Variants in ABCC3 observed in about 807,000 individuals in gnomAD.
The protein encoded by ABCC3 is ATP-binding cassette sub-family C member 3.
ABCC3 carries 121 observed loss-of-function variants against 165.3 expected under a neutral mutation model. The observed-to-expected ratio is 0.73, with a 90% confidence interval of 0.63 to 0.85. The LOEUF is 0.85. ABCC3 is among the 40% of genes least tolerant of loss of function. The pLI is 0.00. For synonymous variants in ABCC3, 733 were observed against 810.1 expected, an observed-to-expected ratio of 0.90 and a Z score of 1.62; for missense variants, 1,869 against 1,964.1, an observed-to-expected ratio of 0.95 and a Z score of 0.92.
chr17:50,684,729 G>T lies in ABCC3; in HGVS notation c.4134G>T (p.Gly1378=). The change falls in exon 29 of 31, where the codon GGG becomes GGT. Residue 1378 remains glycine, a synonymous_variant. Coordinates refer to ENST00000285238, the MANE Select transcript of ABCC3 (RefSeq NM_003786.4). ...CCCAGGACCCCATCCTGTTCTCGGG[G>T]ACCCTGCGCATGAACCTGGACCCCT... is the stretch of plus-strand genomic sequence containing the variant. ...IIPQDPILFS[G]TLRMNLDPFG... is the part of the protein sequence containing the mutation. 1.2e-6 allele frequency: 2 copies of T among 1,614,066 alleles called. No individual in the cohort carries two copies. The highest frequency in any genetic ancestry group is 1.7e-6 in the Non-Finnish European group (2 of 1,180,014).
chr17:50,677,813 C>A lies in ABCC3; in HGVS notation c.3448C>A (p.His1150Asn). 6.2e-7 allele frequency: 1 copy of A among 1,614,160 alleles called. No individual in the cohort carries two copies. Among genetic ancestry groups the A allele is most frequent in the South Asian group, 1.1e-5 (1 of 91,080 alleles). The stretch of plus-strand genomic sequence containing the variant: ...AGTCAGCCGCTCACCTATCTACTCC[C>A]ACTTTTCGGAGACAGTGACTGGTGC... ...ESVSRSPIYS[H>N]FSETVTGASV... The change falls in exon 24 of 31, where the codon CAC becomes AAC. Residue 1150 changes from histidine (H) to asparagine (N), a missense_variant. Coordinates refer to ENST00000285238, the MANE Select transcript of ABCC3 (RefSeq NM_003786.4).
intron 19 of ABCC3, chr17:50,674,113 C>T (rs1485625505): frequency 6.8e-6 from 1 of 147,706 alleles, no homozygotes; most frequent in African/African-American, 2.5e-5. Context: ...TGTCGCCGGG[C>T]TGGAGTGCAG....
intron 3 of ABCC3, 57 bp downstream of exon 3, chr17:50,656,884 G>T: frequency 6.4e-7 from 1 of 1,561,336 alleles, no homozygotes. Context: ...GTTGTGGACT[G>T]TGATAGGGAA....
Position 50,673,124 on chromosome 17 carries a change from G to A in ABCC3, c.2395G>A (p.Val799Met), listed in dbSNP as rs144001322. 7.1e-5 allele frequency: 114 copies of A among 1,613,856 alleles called. 1 individual carries two copies. In the East Asian group the frequency reaches 1.0e-3, roughly 15 times the overall value. Reference protein sequence around the residue: ...IFDHVIGPEGVLAGKTRVLVT... With the variant: ...IFDHVIGPEGMLAGKTRVLVT... ...TGACCACGTCATCGGGCCAGAAGGC[G>A]TGCTGGCAGGCAAGGTGAGGCCTGC... Residue 799 changes from valine (V) to methionine (M), a missense_variant, in exon 18 of 31, where the codon GTG becomes ATG. Val to Met is a conservative substitution (Grantham distance 21). Transcript: ENST00000285238.
intron 4 of ABCC3, among the ~76,000 whole-genome samples, chr17:50,657,504 A>G (rs939098574): frequency 6.6e-6 from 1 of 152,196 alleles, no homozygotes; most frequent in Non-Finnish European, 1.5e-5. Flanking sequence ...ATGTATGCAG[A>G]CAAGTGTGAA....
rs1319712661 is a variant in ABCC3, at chr17:50,675,790, C to A, written c.2859+15C>A. 5.7e-6 allele frequency: 9 copies of A among 1,579,170 alleles called. No individual in the cohort carries two copies. In the Admixed American group the frequency reaches 1.3e-4, roughly 23 times the overall value. On this transcript the variant is annotated intron_variant, in intron 21 of 30. Coordinates refer to ENST00000285238, the MANE Select transcript of ABCC3 (RefSeq NM_003786.4). Reference sequence around the variant, plus strand: ...CCATTGGCACTGTGAGTCGGTGGGGCAAGAGGGGCTGGAGGGGATGGACAG... The same window carrying A: ...CCATTGGCACTGTGAGTCGGTGGGGAAAGAGGGGCTGGAGGGGATGGACAG...
rs1397156733 is a variant in ABCC3, at chr17:50,683,608, A to G, written c.3808-2A>G. 2 of 1,554,862 alleles carry G rather than the reference A, an allele frequency of 1.3e-6. No homozygotes were observed. The highest frequency in any genetic ancestry group is 2.3e-5 in the East Asian group (1 of 42,954). On this transcript the variant is annotated splice_acceptor_variant, in intron 26 of 30. Coordinates refer to ENST00000285238, the MANE Select transcript of ABCC3 (RefSeq NM_003786.4). LOFTEE classifies it high-confidence loss of function. ...TGTGACCCCATCTGCCCCTCCTGCC[A>G]GGCGCCCTGGGTGGTGGAAGGCAGC... is the stretch of plus-strand genomic sequence containing the variant.
intron 29 of ABCC3, among the ~76,000 whole-genome samples, chr17:50,687,018 G>C (rs1968034294): frequency 6.6e-6 from 1 of 152,136 alleles, no homozygotes. Context: ...CAGACACAAA[G>C]AGTCCCCGGG....
chr17:50,685,011 C>A, intron 29 of ABCC3, 136 bp downstream of exon 29: 1 of 994,714 alleles, frequency 1.0e-6, no homozygotes, highest in Non-Finnish European at 1.4e-6. Flanking sequence ...TCGTATTGAG[C>A]ATATTCCGTG....
chr17:50,657,807 G>A (rs1967285731), intron 4 of ABCC3, among the ~76,000 whole-genome samples: 1 of 152,250 alleles, frequency 6.6e-6, no homozygotes, highest in South Asian at 2.1e-4. Context: ...GTCATGAGCT[G>A]TCCTGCCTGT....
intron 8 of ABCC3, chr17:50,663,340 A>G: frequency 3.4e-6 from 1 of 294,340 alleles, no homozygotes; most frequent in Non-Finnish European, 6.5e-6. Context: ...GCCTAGGAGA[A>G]GGAGCAGGGA....
intron 26 of ABCC3, among the ~76,000 whole-genome samples, chr17:50,681,474 C>T (rs1161683109): frequency 6.6e-6 from 1 of 152,200 alleles, no homozygotes; most frequent in African/African-American, 2.4e-5. Flanking sequence ...TCCTGTCATT[C>T]TTGCTCCCTC....
Position 50,658,984 on chromosome 17 carries a change from C to G in ABCC3, c.675-253C>G, listed in dbSNP as rs572249689. ...GCAGCGTGGATTCCATCACCAGGGC[C>G]TGGGGTGGGGAGGAGATGGGACACC... On this transcript the variant is annotated intron_variant, in intron 6 of 30. Transcript: ENST00000285238. Among the ~76,000 whole-genome samples the G allele has an allele frequency of 2.6e-5, 4 of 152,260 alleles. No homozygotes were observed. In the South Asian group the frequency reaches 8.3e-4, roughly 32 times the overall value.
rs749145917 is a variant in ABCC3, at chr17:50,687,652, C to G, written c.4397C>G (p.Ala1466Gly). 1 of 1,614,258 alleles carries G rather than the reference C, an allele frequency of 6.2e-7. No homozygotes were observed. Among genetic ancestry groups the G allele is most frequent in the African/African-American group, 1.3e-5 (1 of 75,074 alleles). The change falls in exon 30 of 31, where the codon GCT becomes GGT. Residue 1466 changes from alanine (A) to glycine (G), a missense_variant. Physicochemically the swap from Ala to Gly is moderately conservative, Grantham distance 60. Transcript: ENST00000285238. ...IDLETDNLIQ[A>G]TIRTQFDTCT... The stretch of plus-strand genomic sequence containing the variant: ...CTGGAGACTGACAACCTCATCCAGG[C>G]TACCATCCGCACCCAGTTTGATACC...
chr17:50,680,040 T>A, intron 26 of ABCC3, 141 bp downstream of exon 26: 1 of 650,736 alleles, frequency 1.5e-6, no homozygotes, highest in Non-Finnish European at 2.8e-6. Flanking sequence ...TTACTGAGCA[T>A]CAACCAATGC....
In ABCC3 at chr17:50,669,435, C is replaced by G; in HGVS notation, c.2148C>G (p.Asn716Lys). 1 of 1,614,262 alleles carries G rather than the reference C, an allele frequency of 6.2e-7. No homozygotes were observed. Among genetic ancestry groups the G allele is most frequent in the Admixed American group, 1.7e-5 (1 of 60,032 alleles). Residue 716 changes from asparagine (N) to lysine (K), a missense_variant, in exon 17 of 31, where the codon AAC becomes AAG. Asn to Lys is a moderately conservative substitution (Grantham distance 94). Transcript: ENST00000285238. ...QENVLFGKAL[N>K]PKRYQQTLEA... ...ACGTGCTTTTCGGCAAAGCCCTGAA[C>G]CCCAAGCGCTACCAGCAGACTCTGG... is the stretch of plus-strand genomic sequence containing the variant.
intron 29 of ABCC3, among the ~76,000 whole-genome samples, chr17:50,687,021 TCCC>T (rs1968034482): frequency 6.6e-6 from 1 of 151,802 alleles, no homozygotes; most frequent in African/African-American, 2.4e-5. Flanking sequence ...ACACAAAGAG[TCCC>T]CGGGTGTTCC....
At chr17:50,659,035 G>A (rs1597848475) in intron 6 of ABCC3, 2 of 540,816 alleles carry the variant, frequency 3.7e-6, no homozygotes, top group Non-Finnish European at 6.4e-6. Flanking sequence ...GAAGGGGGTA[G>A]TGGTAGGAAC....
intron 1 of ABCC3, among the ~76,000 whole-genome samples, chr17:50,651,739 A>G (rs1967120071): frequency 6.6e-6 from 1 of 152,004 alleles, no homozygotes; most frequent in Non-Finnish European, 1.5e-5. Flanking sequence ...TAATAATAAA[A>G]CCTTCTGGTA....
Sources: allele counts gnomAD v4.1 joint callset (sites outside exome capture counted in the v4.1 genomes callset), GRCh38; gene constraint gnomAD v4.1.1; transcripts MANE v1.5; gene names NCBI Gene and HGNC (gene_info 2026-07-23, HGNC 2026-07-21).